The following PARD3B variants were observed in gnomAD, a reference collection of about 807,000 sequenced individuals.
PARD3B encodes partitioning defective 3 homolog B.
PARD3B carries 103 observed loss-of-function variants against 130.2 expected under a neutral mutation model. The ratio of observed to expected loss-of-function variants is 0.79; its 90% CI spans 0.67 to 0.93. The LOEUF is 0.93. PARD3B is among the 40% of genes least tolerant of loss of function. The pLI, the probability that PARD3B is intolerant of heterozygous loss-of-function variation, is 0.00. For missense variants in PARD3B, 1,609 were observed against 1,499.2 expected, an observed-to-expected ratio of 1.07 and a Z score of -1.21; for synonymous variants, 583 against 553.2, an observed-to-expected ratio of 1.05 and a Z score of -0.76.
At chr2:204,665,138 C>G (rs1383417831) in intron 1 of PARD3B, among the ~76,000 whole-genome samples, 1 of 147,894 alleles carries the variant, frequency 6.8e-6, no homozygotes, top group Non-Finnish European at 1.5e-5. Context: ...GTTCTTTCAT[C>G]TCAGCTTTTC....
intron 3 of PARD3B, among the ~76,000 whole-genome samples, chr2:205,014,938 A>T (rs775624958): frequency 2.0e-5 from 3 of 152,190 alleles, no homozygotes; most frequent in Non-Finnish European, 4.4e-5. Context: ...TGTCTCATGA[A>T]TAGTTAATTA....
chr2:205,386,874 T>C (rs956246241), intron 18 of PARD3B, among the ~76,000 whole-genome samples: 3 of 151,888 alleles, frequency 2.0e-5, no homozygotes, highest in Non-Finnish European at 4.4e-5. Flanking sequence ...ATCTCACAGA[T>C]CCCCCTATCC....
At chr2:205,565,961 A>G (rs180984679) in intron 22 of PARD3B, among the ~76,000 whole-genome samples, 118 of 152,164 alleles carry the variant, frequency 7.8e-4, no homozygotes, top group Non-Finnish European at 1.4e-3. Context: ...ATAGAATGTG[A>G]AATTGCACCA....
chr2:205,239,823 C>G (rs2039270075), intron 15 of PARD3B, among the ~76,000 whole-genome samples: 2 of 152,120 alleles, frequency 1.3e-5, no homozygotes, highest in South Asian at 4.1e-4. Flanking sequence ...AGAGCTGCAG[C>G]ACATTCGAGA....
intron 21 of PARD3B, among the ~76,000 whole-genome samples, chr2:205,505,739 C>T (rs1261982772): frequency 6.6e-6 from 1 of 152,196 alleles, no homozygotes; most frequent in African/African-American, 2.4e-5. Context: ...AGCTGATCTG[C>T]TTATTTAACA....
chr2:205,394,017 TAGTTTA>T (rs969522927), intron 18 of PARD3B, among the ~76,000 whole-genome samples: 23 of 152,268 alleles, frequency 1.5e-4, no homozygotes, highest in African/African-American at 4.1e-4. Context: ...TCTAGGGACT[TAGTTTA>T]ATTGAGGGGT....
intron 15 of PARD3B, among the ~76,000 whole-genome samples, chr2:205,214,252 T>A (rs2037797128): frequency 1.3e-5 from 2 of 152,238 alleles, no homozygotes; most frequent in South Asian, 2.1e-4. Context: ...TTCATAAAAC[T>A]GTTTGCACAA....
chr2:205,367,090 T>G (rs1311608519), intron 18 of PARD3B, among the ~76,000 whole-genome samples: 1 of 152,248 alleles, frequency 6.6e-6, no homozygotes, highest in Non-Finnish European at 1.5e-5. Flanking sequence ...TACCTTCAAA[T>G]AGTGCCTTGC....
rs1161239480 is a variant in PARD3B, at chr2:205,568,764, T to C, written c.3260+15361T>C. Among the ~76,000 whole-genome samples the C allele has an allele frequency of 1.3e-5, 2 of 152,174 alleles. No individual in the cohort carries two copies. Among genetic ancestry groups the C allele is most frequent in the Non-Finnish European group, 2.9e-5 (2 of 68,042 alleles). ...CCCTGGTCGTGTGTCTTCCATGGTC[T>C]CCACAGTCTCACCTTAGCCTCAGGC... On this transcript the variant is annotated intron_variant, in intron 22 of 22. Coordinates refer to ENST00000406610, the MANE Select transcript of PARD3B (RefSeq NM_001302769.2). The surrounding 1 kb of genome is among the most constrained non-coding windows in gnomAD (Gnocchi z 5.3).
At chr2:205,542,585 C>T (rs1306613909) in intron 21 of PARD3B, among the ~76,000 whole-genome samples, 1 of 152,080 alleles carries the variant, frequency 6.6e-6, no homozygotes, top group Non-Finnish European at 1.5e-5. Flanking sequence ...CTGTCTGATT[C>T]CAGCATGAAT....
In PARD3B at chr2:205,562,685, C is replaced by T. The variant is rs1243277668; in HGVS notation, c.3260+9282C>T. Among the ~76,000 whole-genome samples, 4 of 152,196 alleles carry T rather than the reference C, an allele frequency of 2.6e-5. No individual in the cohort carries two copies. Among genetic ancestry groups the T allele is most frequent in the African/African-American group, 7.2e-5 (3 of 41,456 alleles). On this transcript the variant is annotated intron_variant, in intron 22 of 22. Transcript: ENST00000406610. The surrounding 1 kb of genome is among the most constrained non-coding windows in gnomAD (Gnocchi z 5.4). ...CTGCTTAGAGTATTGCTCTATATCT[C>T]ATTTCTCATAATCTTTGGTAGTTCT...
chr2:204,893,507 G>A (rs1013102789), intron 2 of PARD3B, among the ~76,000 whole-genome samples: 1 of 152,078 alleles, frequency 6.6e-6, no homozygotes, highest in Non-Finnish European at 1.5e-5. Flanking sequence ...AGATTCTAAA[G>A]CTGTGCTGTC....
chr2:205,221,838 G>A (rs1052148663), intron 15 of PARD3B, among the ~76,000 whole-genome samples: 1 of 151,998 alleles, frequency 6.6e-6, no homozygotes, highest in Admixed American at 6.6e-5. Context: ...TTCCAGGTGC[G>A]TGAGACTCTA....
At chr2:204,998,352 A>ATG (rs1432025396) in intron 3 of PARD3B, among the ~76,000 whole-genome samples, 17 of 74,878 alleles carry the variant, frequency 2.3e-4, no homozygotes, top group African/African-American at 1.0e-3. Flanking sequence ...ATATATATAT[A>ATG]TATATATGTG....
intron 20 of PARD3B, among the ~76,000 whole-genome samples, chr2:205,472,225 C>G (rs1189967183): frequency 6.6e-6 from 1 of 152,038 alleles, no homozygotes; most frequent in Non-Finnish European, 1.5e-5. Flanking sequence ...CATGGAAAGT[C>G]AAGAAAAATT....
At chr2:205,410,999 G>A (rs1456617248) in intron 19 of PARD3B, among the ~76,000 whole-genome samples, 3 of 152,000 alleles carry the variant, frequency 2.0e-5, no homozygotes, top group Admixed American at 2.0e-4. Context: ...TGCATTTCCT[G>A]GACAGCTTTT....
At chr2:205,117,916 T>TACACACACACACACACACACATACAC (rs1221239466) in intron 6 of PARD3B, among the ~76,000 whole-genome samples, 8 of 20,430 alleles carry the variant, frequency 3.9e-4, no homozygotes, top group Admixed American at 2.7e-3. Context: ...TGTATGTGTG[T>TACACACACACACACACACACATACAC]ACACACACAC....
At position 204,887,380 on chromosome 2, in the gene PARD3B, C is replaced by T. The variant is rs143068323; in HGVS notation, c.223-77772C>T. On this transcript the variant is annotated intron_variant, in intron 2 of 22. Coordinates refer to ENST00000406610, the MANE Select transcript of PARD3B (RefSeq NM_001302769.2). This position sits in a 1 kb window ranked among gnomAD's most constrained non-coding sequence, Gnocchi z 4.2. ...AGTGGAATATTACTGAAGCCGAAGC[C>T]ATTACTTGGTTGTGATTTACACAGG... Among the ~76,000 whole-genome samples, 128 of 152,208 alleles carry T rather than the reference C, an allele frequency of 8.4e-4. 1 individual carries two copies. The highest frequency in any genetic ancestry group is 2.6e-3 in the Admixed American group (40 of 15,286).
chr2:205,305,688 T>C lies in PARD3B; in HGVS notation c.2630+3987T>C, dbSNP rs548075402. 3.3e-5 allele frequency among the ~76,000 whole-genome samples: 5 copies of C among 152,330 alleles called. No homozygotes were observed. The South Asian group carries it at 1.0e-3, about 32-fold the overall frequency. On this transcript the variant is annotated intron_variant, in intron 18 of 22. Coordinates refer to ENST00000406610, the MANE Select transcript of PARD3B (RefSeq NM_001302769.2). ...GAGTTCAATCCTGGCTTCTCTAATTTTCACTTCTGTAACACTGAGCAAGTT... is the reference window on the plus strand; with the variant it reads ...GAGTTCAATCCTGGCTTCTCTAATTCTCACTTCTGTAACACTGAGCAAGTT...
Sources: allele counts gnomAD v4.1 joint callset (sites outside exome capture counted in the v4.1 genomes callset), GRCh38; gene constraint gnomAD v4.1.1; non-coding constraint Gnocchi (gnomAD v3.1); transcripts MANE v1.5; gene names NCBI Gene and HGNC (gene_info 2026-07-23, HGNC 2026-07-21).